The following HIVEP2 variants were observed in gnomAD, a reference collection of about 807,000 sequenced individuals.
The protein encoded by HIVEP2 is transcription factor HIVEP2.
Under a neutral mutation model 180.7 loss-of-function variants are expected in HIVEP2, and 14 were observed. The observed-to-expected ratio is 0.08, with a 90% confidence interval of 0.05 to 0.12. The LOEUF (loss-of-function observed/expected upper bound fraction) is 0.12. Ranked by LOEUF, HIVEP2 falls within the 10% of genes least tolerant of loss-of-function variation. HIVEP2 has a pLI of 1.00. For missense variants in HIVEP2, 2,579 were observed against 3,008.5 expected (o/e 0.86, Z 3.34); for synonymous variants, 1,184 against 1,136.4 (o/e 1.04, Z -0.84).
rs58304452 is a variant in HIVEP2 at position 142,777,648 on chromosome 6, C to CAAAAAAA, written c.-432-1464_-432-1458dup. 8.3e-4 allele frequency among the ~76,000 whole-genome samples: 23 copies of CAAAAAAA among 27,708 alleles called. 2 individuals are homozygous for CAAAAAAA. The highest frequency in any genetic ancestry group is 2.8e-3 in the East Asian group (2 of 716). The allele number at this position is 27,708 out of a possible 152,430, so 18.2% of individuals were successfully genotyped here. A position where few individuals can be genotyped will look rare whatever the true frequency, so the allele number is the denominator to read the frequency against. ...GGGCAACAAGAGCAAAACTCCATCT[C>CAAAAAAA]AAAAAAAAAAAAAAAAAAAAAAAAA... On this transcript the variant is annotated intron_variant, in intron 3 of 9. Transcript: ENST00000367603.
intron 3 of HIVEP2, 112 bp from the exon 4 acceptor site, chr6:142,776,303 T>C (rs1258239056): frequency 6.6e-6 from 1 of 152,290 alleles, no homozygotes; most frequent in East Asian, 1.9e-4. Context: ...TTCACAATGC[T>C]ATGTACCCTA....
intron 2 of HIVEP2, among the ~76,000 whole-genome samples, chr6:142,818,119 T>C (rs746177964): frequency 2.6e-5 from 4 of 152,194 alleles, no homozygotes; most frequent in Non-Finnish European, 5.9e-5. Flanking sequence ...TACCTCATTG[T>C]TGCCACCATT....
intron 1 of HIVEP2, among the ~76,000 whole-genome samples, chr6:142,896,922 C>A (rs1777011563): frequency 6.6e-6 from 1 of 152,182 alleles, no homozygotes; most frequent in African/African-American, 2.4e-5. Context: ...TATCATCTCA[C>A]TCCTCCTACA....
intron 1 of HIVEP2, among the ~76,000 whole-genome samples, chr6:142,871,383 C>T (rs932604428): frequency 2.0e-5 from 3 of 151,882 alleles, no homozygotes; most frequent in African/African-American, 7.3e-5. Context: ...AGGGTTCTTG[C>T]TTATTCATTC....
chr6:142,880,866 G>GTGTC (rs1235893349), intron 1 of HIVEP2, among the ~76,000 whole-genome samples: 1 of 152,104 alleles, frequency 6.6e-6, no homozygotes, highest in African/African-American at 2.4e-5. Context: ...AAAATAAAAT[G>GTGTC]TGTCTTCTCC....
intron 9 of HIVEP2, among the ~76,000 whole-genome samples, chr6:142,758,049 C>T (rs9496456): frequency 1.3e-5 from 2 of 152,120 alleles, no homozygotes; most frequent in African/African-American, 2.4e-5. Context: ...AGCATCACTG[C>T]GTGTATACCA....
intron 2 of HIVEP2, chr6:142,794,019 A>T (rs886306280): frequency 2.6e-5 from 4 of 152,108 alleles, no homozygotes; most frequent in African/African-American, 9.7e-5. Flanking sequence ...ATATGGGAGA[A>T]ATTTATCTGG....
intron 3 of HIVEP2, chr6:142,779,420 G>A (rs952863203): frequency 5.3e-5 from 8 of 152,264 alleles, no homozygotes; most frequent in Non-Finnish European, 8.8e-5. Flanking sequence ...AGGAGTTCGA[G>A]ACCAGCCCAG....
At chr6:142,837,131 A>G (rs1775245070) in intron 1 of HIVEP2, 84 bp from the exon 2 acceptor site, 1 of 152,158 alleles carries the variant, frequency 6.6e-6, no homozygotes, top group African/African-American at 2.4e-5. Context: ...AATCAAATCC[A>G]GAGTATTATG....
chr6:142,860,032 TC>T (rs1420092374), intron 1 of HIVEP2, among the ~76,000 whole-genome samples: 1 of 152,012 alleles, frequency 6.6e-6, no homozygotes, highest in African/African-American at 2.4e-5. Flanking sequence ...AAGTGTTAAA[TC>T]TTTTTTTCTC....
At position 142,772,145 on chromosome 6, in the gene HIVEP2, G is replaced by A. The variant is rs777937895; in HGVS notation, c.2594C>T (p.Pro865Leu). Reference protein sequence around the residue: ...DGAESGGKPSPSQQVQQQSYH... With the variant: ...DGAESGGKPSLSQQVQQQSYH... ...GGACTGCTGCTGCACCTGCTGAGAT[G>A]GAGAGGGTTTCCCCCCACTTTCTGC... Residue 865 changes from proline (P) to leucine (L), a missense_variant, in exon 5 of 10, where the codon CCA (proline) becomes CTA (leucine). Physicochemically the swap from Pro to Leu is moderately conservative, Grantham distance 98. Coordinates refer to ENST00000367603, the MANE Select transcript of HIVEP2 (RefSeq NM_006734.4). The surrounding 1 kb of genome is among the most constrained non-coding windows in gnomAD (Gnocchi z 4.9). 12 of 1,614,074 alleles carry A rather than the reference G, an allele frequency of 7.4e-6. No individual in the cohort carries two copies. The highest frequency in any genetic ancestry group is 1.3e-5 in the African/African-American group (1 of 74,920).
chr6:142,871,711 C>G (rs1278323129), intron 1 of HIVEP2, among the ~76,000 whole-genome samples: 1 of 151,956 alleles, frequency 6.6e-6, no homozygotes, highest in African/African-American at 2.4e-5. Flanking sequence ...CTCTCCTCTC[C>G]CTAATTACTA....
intron 1 of HIVEP2, among the ~76,000 whole-genome samples, chr6:142,887,402 A>T (rs1776728324): frequency 6.6e-6 from 1 of 152,190 alleles, no homozygotes; most frequent in East Asian, 1.9e-4. Context: ...CAGCCAAGGC[A>T]CCCTGAAATG....
intron 2 of HIVEP2, among the ~76,000 whole-genome samples, chr6:142,831,792 G>A (rs1321017431): frequency 6.6e-6 from 1 of 152,018 alleles, no homozygotes; most frequent in Non-Finnish European, 1.5e-5. Flanking sequence ...TCATGACCTG[G>A]CTCTGGATAT....
At chr6:142,856,204 TAA>T (rs111541153) in intron 1 of HIVEP2, among the ~76,000 whole-genome samples, 2 of 147,022 alleles carry the variant, frequency 1.4e-5, no homozygotes, top group African/African-American at 2.5e-5. Context: ...AGCAAGGGGT[TAA>T]AAAAAAAAAG....
chr6:142,854,164 A>G (rs1443532709), intron 1 of HIVEP2, among the ~76,000 whole-genome samples: 2 of 152,116 alleles, frequency 1.3e-5, no homozygotes, highest in East Asian at 3.9e-4. Context: ...GTAGTTCTCA[A>G]TTAGGGTGAT....
intron 1 of HIVEP2, among the ~76,000 whole-genome samples, chr6:142,903,479 T>A (rs1459484800): frequency 6.6e-6 from 1 of 152,202 alleles, no homozygotes; most frequent in Admixed American, 6.5e-5. Flanking sequence ...GTACTTGGAG[T>A]ACAATCATTT....
At chr6:142,758,732 A>AATT (rs1562496282) in intron 9 of HIVEP2, among the ~76,000 whole-genome samples, 1 of 152,216 alleles carries the variant, frequency 6.6e-6, no homozygotes, top group Non-Finnish European at 1.5e-5. Flanking sequence ...CCTACTGCTT[A>AATT]AATGTAATCC....
In HIVEP2 at chr6:142,771,363, C is replaced by T. The variant is rs769570765; in HGVS notation, c.3376G>A (p.Val1126Met). The change falls in exon 5 of 10, where the codon GTG (valine) becomes ATG (methionine). Residue 1126 changes from valine (V) to methionine (M), a missense_variant. Val to Met is a conservative substitution (Grantham distance 21). Transcript: ENST00000367603. The surrounding 1 kb of genome is among the most constrained non-coding windows in gnomAD (Gnocchi z 5.4). ...RSGWHHGPPAVLPPLQQEDPG... is the reference protein window; with the variant it reads ...RSGWHHGPPAMLPPLQQEDPG... ...TCCTCTTGCTGAAGAGGAGGCAGCA[C>T]AGCAGGCGGGCCATGGTGCCACCCG... The T allele has an allele frequency of 6.2e-7, 1 of 1,612,788 alleles. No homozygotes were observed. The highest frequency in any genetic ancestry group is 8.5e-7 in the Non-Finnish European group (1 of 1,179,954).
Sources: allele counts gnomAD v4.1 joint callset (sites outside exome capture counted in the v4.1 genomes callset), GRCh38; gene constraint gnomAD v4.1.1; non-coding constraint Gnocchi (gnomAD v3.1); transcripts MANE v1.5; gene names NCBI Gene and HGNC (gene_info 2026-07-23, HGNC 2026-07-21).